Variants in SERPINF2 observed in about 807,000 individuals in gnomAD.
SERPINF2 encodes serpin family F member 2.
Under a neutral mutation model 45.0 loss-of-function variants are expected in SERPINF2, and 15 were observed. That is an observed-to-expected ratio of 0.33 (90% CI 0.22 to 0.51). The LOEUF (loss-of-function observed/expected upper bound fraction) is 0.51. Among genes scored for constraint, SERPINF2 ranks in the 20% least tolerant of loss-of-function variants. The pLI is 0.97. For missense variants in SERPINF2, 518 were observed against 637.4 expected (o/e 0.81, Z 2.02); for synonymous variants, 283 against 277.9 (o/e 1.02, Z -0.18).
intron 8 of SERPINF2, 60 bp from the exon 9 acceptor site, chr17:1,752,526 C>T: frequency 6.6e-7 from 1 of 1,525,050 alleles, no homozygotes. Flanking sequence ...CCTGCTGGCC[C>T]CACCCCCACT....
In SERPINF2 at chr17:1,747,031, A is replaced by G; in HGVS notation, c.380A>G (p.His127Arg). 2 of 1,606,474 alleles carry G rather than the reference A, an allele frequency of 1.2e-6. No individual in the cohort carries two copies. Among genetic ancestry groups the G allele is most frequent in the Non-Finnish European group, 1.7e-6 (2 of 1,179,866 alleles). Residue 127 changes from histidine (H) to arginine (R), a missense_variant, in exon 6 of 10, where the codon CAC (histidine) becomes CGC (arginine). His to Arg is a conservative substitution (Grantham distance 29). This residue lies in a region of SERPINF2 where 435 missense variants were observed against 577.3 expected (regional missense o/e 0.75). Transcript: ENST00000453066. ...LSHLALGAQN[H>R]TLQRLQQVLH... is the part of the protein sequence containing the mutation. ...CGGTGCCCTCCAGGTGCTCAGAACC[A>G]CACGTTGCAGAGGCTGCAACAGGTG...
Position 1,745,963 on chromosome 17 carries a change from C to G in SERPINF2, c.367+54C>G. 6.3e-7 allele frequency: 1 copy of G among 1,582,726 alleles called. No homozygotes were observed. Among genetic ancestry groups the G allele is most frequent in the Non-Finnish European group, 8.7e-7 (1 of 1,151,742 alleles). On this transcript the variant is annotated intron_variant, in intron 5 of 9. Coordinates refer to ENST00000453066, the MANE Select transcript of SERPINF2 (RefSeq NM_000934.4). The surrounding 1 kb of genome is among the most constrained non-coding windows in gnomAD (Gnocchi z 6.2). ...GAGAGCTGGGAGGCCAGTAGGAACTCAGTACTCCAATGGTTCTCCGCGGGC... is the reference window on the plus strand; with the variant it reads ...GAGAGCTGGGAGGCCAGTAGGAACTGAGTACTCCAATGGTTCTCCGCGGGC...
chr17:1,755,101 C>T lies in SERPINF2; in HGVS notation c.*567C>T, dbSNP rs369448422. 2.8e-4 allele frequency: 43 copies of T among 154,708 alleles called. No individual in the cohort carries two copies. Among genetic ancestry groups the T allele is most frequent in the South Asian group, 6.2e-4 (3 of 4,876 alleles). 9.6% of individuals were successfully genotyped at this position (154,708 alleles called of 1,614,324 possible). On this transcript the variant is annotated 3_prime_UTR_variant, in exon 10 of 10. Transcript: ENST00000453066. This position sits in a 1 kb window ranked among gnomAD's most constrained non-coding sequence, Gnocchi z 4.2. ...TCACGCCAGACTTCCCACGGCTCCT[C>T]GAGATCCCAACACTGCCAGCATTTC... is the stretch of plus-strand genomic sequence containing the variant.
At position 1,748,446 on chromosome 17, in the gene SERPINF2, T is replaced by G. The variant is rs1006957129; in HGVS notation, c.716-152T>G. 5 of 948,046 alleles carry G rather than the reference T, an allele frequency of 5.3e-6. No homozygotes were observed. In the African/African-American group the frequency reaches 6.4e-5, roughly 12 times the overall value. The allele number at this position is 948,046 out of a possible 1,614,324, so 58.7% of individuals were successfully genotyped here. A position where few individuals can be genotyped will look rare whatever the true frequency, so the allele number is the denominator to read the frequency against. ...GCTAGCATTCCCTGGGGTCTTGGCC[T>G]CCACCGCTGTCTCATCCTTGAATGG... On this transcript the variant is annotated intron_variant, in intron 7 of 9. Coordinates refer to ENST00000453066, the MANE Select transcript of SERPINF2 (RefSeq NM_000934.4).
chr17:1,744,686 C>T, intron 1 of SERPINF2: 1 of 985,396 alleles, frequency 1.0e-6, no homozygotes, highest in Non-Finnish European at 1.2e-6. Flanking sequence ...AGCGCAGGGC[C>T]TTGTAGAATG....
chr17:1,747,753 A>G (rs969787874), intron 7 of SERPINF2, among the ~76,000 whole-genome samples: 9 of 152,090 alleles, frequency 5.9e-5, no homozygotes, highest in Admixed American at 5.2e-4. Context: ...TAGTAGAGAC[A>G]GGGTTTCACC....
chr17:1,752,861 T>C (rs1906515455), intron 9 of SERPINF2, 71 bp downstream of exon 9: 1 of 1,381,920 alleles, frequency 7.2e-7, no homozygotes, highest in Non-Finnish European at 1.0e-6. Flanking sequence ...AGCGTCTGGC[T>C]GGCAGTGGAG....
At chr17:1,748,273 C>T (rs1029297385) in intron 7 of SERPINF2, among the ~76,000 whole-genome samples, 1 of 150,452 alleles carries the variant, frequency 6.6e-6, no homozygotes, top group Non-Finnish European at 1.5e-5. Context: ...CACTGCACTC[C>T]AGCCTGGGCG....
intron 8 of SERPINF2, among the ~76,000 whole-genome samples, chr17:1,750,685 C>T (rs79131317): frequency 0.17 from 26,136 of 152,118 alleles, 2,519 homozygotes; most frequent in Non-Finnish European, 0.23. Flanking sequence ...GATCCCCGGG[C>T]CAGACAGCTG....
At chr17:1,747,563 G>A (rs575887048) in intron 7 of SERPINF2, 51 bp downstream of exon 7, 12 of 1,576,514 alleles carry the variant, frequency 7.6e-6, no homozygotes, top group Middle Eastern at 1.7e-4. Context: ...GAGCTGGGAC[G>A]TGCAGGCCTT....
chr17:1,747,567 A>T (rs1369219618), intron 7 of SERPINF2, 55 bp downstream of exon 7: 1 of 1,573,142 alleles, frequency 6.4e-7, no homozygotes, highest in African/African-American at 1.4e-5. Flanking sequence ...TGGGACGTGC[A>T]GGCCTTTTTG....
rs562554431 is a variant in SERPINF2 at position 1,751,537 on chromosome 17, G to A, written c.859-1049G>A. The stretch of plus-strand genomic sequence containing the variant: ...TGGGAGGCCAAGGCAGGTGGATCAC[G>A]AGGTCAGGAGATTGAGACCATCCTG... On this transcript the variant is annotated intron_variant, in intron 8 of 9. Transcript: ENST00000453066. Among the ~76,000 whole-genome samples the A allele has an allele frequency of 6.6e-5, 9 of 135,982 alleles. 2 individuals carry two copies. The highest frequency in any genetic ancestry group is 1.5e-4 in the Admixed American group (2 of 13,616). 89.2% of individuals were successfully genotyped at this position (135,982 alleles called of 152,430 possible). A position where few individuals can be genotyped will look rare whatever the true frequency, so the allele number is the denominator to read the frequency against.
chr17:1,747,153 C>T lies in SERPINF2; in HGVS notation c.502C>T (p.Leu168=). 6.2e-7 allele frequency: 1 copy of T among 1,612,256 alleles called. No homozygotes were observed. The highest frequency in any genetic ancestry group is 2.2e-5 in the East Asian group (1 of 44,880). Reference sequence around the variant, plus strand: ...GTTCCGACTGGCTGCCAGGATGTACCTGCAGAAAGGTAGGCGCTGATGGCA... The same window carrying T: ...GTTCCGACTGGCTGCCAGGATGTACTTGCAGAAAGGTAGGCGCTGATGGCA... The part of the protein sequence containing the change: ...GAFRLAARMY[L]QKGFPIKEDF... Residue 168 remains leucine, a synonymous_variant, in exon 6 of 10, where the codon CTG becomes TTG. Coordinates refer to ENST00000453066, the MANE Select transcript of SERPINF2 (RefSeq NM_000934.4).
chr17:1,745,868 C>T lies in SERPINF2; in HGVS notation c.326C>T (p.Ser109Leu). ...TCCACCTGCCCCAACCTCATCCTGT[C>T]ACCCCTGAGTGTGGCCCTGGCGCTG... ...QTSTCPNLIL[S>L]PLSVALALSH... The change falls in exon 5 of 10, where the codon TCA becomes TTA. Residue 109 changes from serine (S) to leucine (L), a missense_variant. Ser to Leu is a moderately radical substitution (Grantham distance 145, BLOSUM62 -2). Around this residue, in one of 2 missense-constraint regions of SERPINF2, gnomAD observed 435 missense variants for 577.3 expected, o/e 0.75. Transcript: ENST00000453066. The surrounding 1 kb of genome is among the most constrained non-coding windows in gnomAD (Gnocchi z 6.2). The T allele has an allele frequency of 6.2e-7, 1 of 1,614,130 alleles. No homozygotes were observed. The highest frequency in any genetic ancestry group is 8.5e-7 in the Non-Finnish European group (1 of 1,180,040).
chr17:1,747,617 C>T (rs995370504), intron 7 of SERPINF2, 105 bp downstream of exon 7: 11 of 1,264,612 alleles, frequency 8.7e-6, no homozygotes, highest in Admixed American at 4.0e-5. Flanking sequence ...CAGGGTGGAG[C>T]GCAGTGGCGC....
chr17:1,754,454 G>T lies in SERPINF2; in HGVS notation c.1396G>T (p.Gly466Ter). ...CCAGAGCCTGAAAGGCTTCCCCCGC[G>T]GAGACAAGCTTTTCGGCCCTGACTT... ...FLQSLKGFPRGDKLFGPDLKL... is the reference protein window; with the variant it reads ...FLQSLKGFPR Residue 466 changes from glycine to a stop codon, truncating the protein, a stop_gained, in exon 10 of 10, where the codon GGA becomes TGA. Coordinates refer to ENST00000453066, the MANE Select transcript of SERPINF2 (RefSeq NM_000934.4). LOFTEE classifies it high-confidence loss of function. The T allele has an allele frequency of 1.2e-6, 2 of 1,608,616 alleles. No homozygotes were observed. The highest frequency in any genetic ancestry group is 8.5e-7 in the Non-Finnish European group (1 of 1,176,652).
At position 1,745,646 on chromosome 17, in the gene SERPINF2, C is replaced by T; in HGVS notation, c.166-62C>T. ...CTCAGGCACAGGGGCTGTGACAAGG[C>T]CTTCAACACAGAACCTGGAGCTGAC... is the stretch of plus-strand genomic sequence containing the variant. On this transcript the variant is annotated intron_variant, in intron 4 of 9. Coordinates refer to ENST00000453066, the MANE Select transcript of SERPINF2 (RefSeq NM_000934.4). This position sits in a 1 kb window ranked among gnomAD's most constrained non-coding sequence, Gnocchi z 6.2. 6.6e-7 allele frequency: 1 copy of T among 1,512,928 alleles called. No individual in the cohort carries two copies. The highest frequency in any genetic ancestry group is 9.1e-7 in the Non-Finnish European group (1 of 1,095,316). The allele number at this position is 1,512,928 out of a possible 1,614,324, so 93.7% of individuals were successfully genotyped here.
chr17:1,746,153 T>C (rs1369974439), intron 5 of SERPINF2, among the ~76,000 whole-genome samples: 2 of 152,020 alleles, frequency 1.3e-5, no homozygotes, highest in African/African-American at 2.4e-5. Context: ...CTCTCTCTAC[T>C]AAAAATACAA....
chr17:1,751,024 C>G (rs1433082779), intron 8 of SERPINF2, among the ~76,000 whole-genome samples: 2 of 152,218 alleles, frequency 1.3e-5, no homozygotes, highest in Non-Finnish European at 2.9e-5. Flanking sequence ...CAGCCAGAAC[C>G]CGGGGCTTAT....
Sources: gnomAD v4.1 joint callset for allele counts (sites outside exome capture counted in the v4.1 genomes callset) on GRCh38, gnomAD v4.1.1 for gene constraint, gnomAD v4.1.1 regional missense constraint, Gnocchi (gnomAD v3.1) non-coding constraint, MANE v1.5 for transcripts, NCBI Gene and HGNC (gene_info 2026-07-23, HGNC 2026-07-21) for gene names.